Variants in ANKRD36B observed in about 807,000 individuals in gnomAD.
ANKRD36B encodes ankyrin repeat domain 36B.
Under a neutral mutation model 135.7 loss-of-function variants are expected in ANKRD36B, and 37 were observed. The observed-to-expected ratio is 0.27, with a 90% CI of 0.21 to 0.36. ANKRD36B has a LOEUF of 0.36. Ranked by LOEUF, ANKRD36B falls within the 10% of genes least tolerant of loss-of-function variation. ANKRD36B has a pLI of 1.00. For synonymous variants in ANKRD36B, 179 were observed against 348.1 expected, an observed-to-expected ratio of 0.51 and a Z score of 5.41; for missense variants, 549 against 1,037.1, an observed-to-expected ratio of 0.53 and a Z score of 6.46.
chr2:97,587,222 A>AT (rs1335082403), intron 1 of ANKRD36B, among the ~76,000 whole-genome samples: 1 of 152,046 alleles, frequency 6.6e-6, no homozygotes. Flanking sequence ...GAAACTGAGA[A>AT]TTTTTTTTCT....
In ANKRD36B at chr2:97,555,075, G is replaced by A; in HGVS notation, c.1156C>T (p.Leu386=). 6.2e-7 allele frequency: 1 copy of A among 1,611,820 alleles called. No homozygotes were observed. Among genetic ancestry groups the A allele is most frequent in the East Asian group, 2.2e-5 (1 of 44,760 alleles). ...GCAAAATTACCTGTCCCACATTGTA[G>A]TCCATCCTTTATTTCTGTAGCTGTA... ...LNTATEIKDG[L]QCGTVSSQKQ... The change falls in exon 14 of 44, where the codon CTA becomes TTA. Residue 386 remains leucine, a synonymous_variant. Coordinates refer to ENST00000359901, the MANE Select transcript of ANKRD36B (RefSeq NM_001393939.1).
chr2:97,555,364 G>C, intron 12 of ANKRD36B, 110 bp from the exon 13 acceptor site: 10 of 1,491,910 alleles, frequency 6.7e-6, no homozygotes, highest in Non-Finnish European at 9.1e-6. Context: ...TATTAGTATA[G>C]GCTTTGATTT....
intron 2 of ANKRD36B, 28 bp from the exon 3 acceptor site, chr2:97,585,145 A>C: frequency 6.2e-7 from 1 of 1,613,858 alleles, no homozygotes; most frequent in East Asian, 2.2e-5. Flanking sequence ...AGAAACATGC[A>C]AATACTGAAA....
rs2104514158 is a variant in ANKRD36B, at chr2:97,538,482, G to A, written c.1988-119C>T. The A allele has an allele frequency of 3.8e-6, 2 of 524,838 alleles. 1 individual carries two copies. Among genetic ancestry groups the A allele is most frequent in the East Asian group, 6.0e-5 (2 of 33,126 alleles). 32.5% of individuals were successfully genotyped at this position (524,838 alleles called of 1,614,324 possible). ...TGCCTGTACTAGTGTAGGATTTGAT[G>A]TTTTACAGTTTGTGTCTTTGGGACA... On this transcript the variant is annotated intron_variant, in intron 30 of 43. Coordinates refer to ENST00000359901, the MANE Select transcript of ANKRD36B (RefSeq NM_001393939.1).
intron 16 of ANKRD36B, among the ~76,000 whole-genome samples, chr2:97,552,725 T>A (rs1479254998): frequency 6.6e-6 from 1 of 151,928 alleles, no homozygotes; most frequent in African/African-American, 2.4e-5. Context: ...AATTGCTACA[T>A]CAGGGGTCTC....
At chr2:97,548,434 T>G in intron 20 of ANKRD36B, among the ~76,000 whole-genome samples, 1 of 151,940 alleles carries the variant, frequency 6.6e-6, no homozygotes, top group Admixed American at 6.6e-5. Flanking sequence ...TATCATCAAT[T>G]ATCAATTTTG....
Position 97,547,862 on chromosome 2 carries a change from G to C in ANKRD36B, c.1478-131C>G, listed in dbSNP as rs943174534. 4.4e-6 allele frequency: 6 copies of C among 1,349,164 alleles called. No individual in the cohort carries two copies. In the African/African-American group the frequency reaches 7.2e-5, roughly 16 times the overall value. The allele number at this position is 1,349,164 out of a possible 1,614,324, so 83.6% of individuals were successfully genotyped here. A position where few individuals can be genotyped will look rare whatever the true frequency, so the allele number is the denominator to read the frequency against. ...CATAGGCTTTGATGGCTTCTACTTT[G>C]TGTCTGGGGACTAGAACATGACAGA... On this transcript the variant is annotated intron_variant, in intron 20 of 43. Coordinates refer to ENST00000359901, the MANE Select transcript of ANKRD36B (RefSeq NM_001393939.1).
intron 13 of ANKRD36B, 28 bp downstream of exon 13, chr2:97,555,198 T>C (rs771603933): frequency 5.0e-6 from 8 of 1,611,128 alleles, no homozygotes; most frequent in South Asian, 4.4e-5. Context: ...CAGTTACTAA[T>C]ACAAAATATA....
intron 16 of ANKRD36B, 38 bp from the exon 17 acceptor site, chr2:97,551,518 A>G: frequency 6.2e-7 from 1 of 1,606,496 alleles, no homozygotes; most frequent in Non-Finnish European, 8.5e-7. Context: ...CTCATATGTA[A>G]CTATGACAAA....
intron 14 of ANKRD36B, among the ~76,000 whole-genome samples, chr2:97,554,370 G>A (rs1452949539): frequency 6.6e-6 from 1 of 151,922 alleles, no homozygotes; most frequent in East Asian, 1.9e-4. Flanking sequence ...ATCAACAAAA[G>A]ATATATATCT....
intron 6 of ANKRD36B, among the ~76,000 whole-genome samples, chr2:97,571,458 T>A (rs1179790577): frequency 6.6e-6 from 1 of 151,988 alleles, no homozygotes; most frequent in Non-Finnish European, 1.5e-5. Context: ...CCATCCTGGC[T>A]AACACAGTGA....
intron 6 of ANKRD36B, among the ~76,000 whole-genome samples, chr2:97,569,699 G>T (rs2081700357): frequency 6.6e-6 from 1 of 152,030 alleles, no homozygotes; most frequent in Non-Finnish European, 1.5e-5. Flanking sequence ...CAATATTGCT[G>T]AGAATATTAA....
At chr2:97,574,936 G>A (rs1395977896) in intron 6 of ANKRD36B, among the ~76,000 whole-genome samples, 1 of 152,020 alleles carries the variant, frequency 6.6e-6, no homozygotes, top group Non-Finnish European at 1.5e-5. Flanking sequence ...CAGGATCTTG[G>A]TAGATTTGTT....
chr2:97,560,322 T>A (rs1046852179), intron 8 of ANKRD36B, among the ~76,000 whole-genome samples: 8 of 151,892 alleles, frequency 5.3e-5, no homozygotes, highest in Admixed American at 1.3e-4. Flanking sequence ...ATGATGCCTA[T>A]AATATCTATT....
chr2:97,571,489 T>C (rs762084307), intron 6 of ANKRD36B, among the ~76,000 whole-genome samples: 7 of 151,880 alleles, frequency 4.6e-5, no homozygotes, highest in Non-Finnish European at 7.4e-5. Context: ...CTACTAAAAA[T>C]ATAAAAATTA....
rs1218207724 is a variant in ANKRD36B at position 97,589,787 on chromosome 2, G to A, written c.-102C>T. ...CTCGCCTTCGGGGATCGCCGCCTCCGAAGAGCAACAACAGGCAAAGCAGTC... is the reference window on the plus strand; with the variant it reads ...CTCGCCTTCGGGGATCGCCGCCTCCAAAGAGCAACAACAGGCAAAGCAGTC... On this transcript the variant is annotated 5_prime_UTR_variant, in exon 1 of 44. Coordinates refer to ENST00000359901, the MANE Select transcript of ANKRD36B (RefSeq NM_001393939.1). 19 of 1,569,960 alleles carry A rather than the reference G, an allele frequency of 1.2e-5. No homozygotes were observed. Among genetic ancestry groups the A allele is most frequent in the African/African-American group, 1.4e-5 (1 of 73,528 alleles).
rs1236155961 is a variant in ANKRD36B, at chr2:97,549,651, A to G, written c.1376-37T>C. ...AAGGGATTCATAATCACTCATATGTAAATATGACAAAGATATCCACACATT... is the reference window on the plus strand; with the variant it reads ...AAGGGATTCATAATCACTCATATGTGAATATGACAAAGATATCCACACATT... On this transcript the variant is annotated intron_variant, in intron 18 of 43. Coordinates refer to ENST00000359901, the MANE Select transcript of ANKRD36B (RefSeq NM_001393939.1). 3.1e-6 allele frequency: 5 copies of G among 1,605,994 alleles called. No individual in the cohort carries two copies. The South Asian group carries it at 3.3e-5, about 11-fold the overall frequency.
chr2:97,570,740 G>A (rs1295669089), intron 6 of ANKRD36B, among the ~76,000 whole-genome samples: 1 of 152,172 alleles, frequency 6.6e-6, no homozygotes, highest in East Asian at 1.9e-4. Context: ...CCTTTGCCCT[G>A]AGCCAATTTT....
Position 97,580,448 on chromosome 2 carries a change from A to G in ANKRD36B, c.557+14T>C, listed in dbSNP as rs928293693. On this transcript the variant is annotated intron_variant, in intron 4 of 43. Coordinates refer to ENST00000359901, the MANE Select transcript of ANKRD36B (RefSeq NM_001393939.1). ...CAGGTTTAAAAACAACACAATAAGA[A>G]CTAAGGTCTGTACCTGCCAAGATAA... The G allele has an allele frequency of 3.9e-6, 6 of 1,533,722 alleles. No individual in the cohort carries two copies. In the African/African-American group the frequency reaches 6.9e-5, roughly 18 times the overall value.
Sources: allele counts gnomAD v4.1 joint callset (sites outside exome capture counted in the v4.1 genomes callset), GRCh38; gene constraint gnomAD v4.1.1; transcripts MANE v1.5; gene names NCBI Gene and HGNC (gene_info 2026-07-23, HGNC 2026-07-21).